The following FGD6 variants were observed in gnomAD, a reference collection of about 807,000 sequenced individuals.
FGD6 encodes the protein FYVE, RhoGEF and PH domain-containing protein 6.
FGD6 carries 90 observed loss-of-function variants against 149.4 expected under a neutral mutation model. The observed-to-expected ratio is 0.60, with a 90% confidence interval of 0.51 to 0.72. The LOEUF (loss-of-function observed/expected upper bound fraction) is 0.72. Ranked by LOEUF, FGD6 falls within the 30% of genes least tolerant of loss-of-function variation. FGD6 has a pLI of 0.00. For missense variants in FGD6, 1,437 were observed against 1,684.8 expected (o/e 0.85, Z 2.57); for synonymous variants, 527 against 584.0 (o/e 0.90, Z 1.41).
intron 2 of FGD6, among the ~76,000 whole-genome samples, chr12:95,191,669 T>C (rs1010143929): frequency 1.1e-4 from 16 of 152,230 alleles, no homozygotes; most frequent in South Asian, 8.3e-4. Context: ...CCAAACTCCA[T>C]GGATGCTCAA....
chr12:95,166,619 C>G (rs571019998), intron 3 of FGD6, among the ~76,000 whole-genome samples: 7 of 152,106 alleles, frequency 4.6e-5, no homozygotes, highest in Non-Finnish European at 7.4e-5. Flanking sequence ...CGAGAGATCA[C>G]TTGAGTCAAG....
rs1013568571 is a variant in FGD6, at chr12:95,081,162, T to C, written c.*358A>G. 8 of 157,674 alleles carry C rather than the reference T, an allele frequency of 5.1e-5. No homozygotes were observed. Among genetic ancestry groups the C allele is most frequent in the African/African-American group, 1.7e-4 (7 of 41,716 alleles). The allele number at this position is 157,674 out of a possible 1,614,324, so 9.8% of individuals were successfully genotyped here. ...TTTCCTTACAAAGACTTTCCACCAGTAAGATTGTTACAATGTAAGGTAAGA... is the reference window on the plus strand; with the variant it reads ...TTTCCTTACAAAGACTTTCCACCAGCAAGATTGTTACAATGTAAGGTAAGA... On this transcript the variant is annotated 3_prime_UTR_variant, in exon 21 of 21. Coordinates refer to ENST00000343958, the MANE Select transcript of FGD6 (RefSeq NM_018351.4).
chr12:95,199,679 A>G (rs1417136488), intron 2 of FGD6, among the ~76,000 whole-genome samples: 3 of 140,432 alleles, frequency 2.1e-5, no homozygotes, highest in Non-Finnish European at 4.5e-5. Flanking sequence ...ATCTTAGCTC[A>G]CTGCAGCCTC....
chr12:95,138,087 G>T (rs556912723), intron 6 of FGD6, among the ~76,000 whole-genome samples: 1 of 152,094 alleles, frequency 6.6e-6, no homozygotes, highest in African/African-American at 2.4e-5. Context: ...GGGCATGGTG[G>T]TGCATGCCTG....
chr12:95,108,345 T>G lies in FGD6; in HGVS notation c.3264+3A>C. The G allele has an allele frequency of 1.9e-6, 3 of 1,613,494 alleles. No individual in the cohort carries two copies. The highest frequency in any genetic ancestry group is 2.5e-6 in the Non-Finnish European group (3 of 1,179,800). On this transcript the variant is annotated splice_donor_region_variant and intron_variant, in intron 11 of 20. Transcript: ENST00000343958. ...TTTGCGAAAAGCAATGTAAAATGCT[T>G]ACCCGACCAGGCTGCACAATTTCAT...
rs201840186 is a variant in FGD6 at position 95,210,313 on chromosome 12, C to A, written c.971G>T (p.Arg324Leu). ...ATCTACACACTTTTGGCGTAACAGA[C>A]GAGCAGTTCGTGTCTTTCTGGGCTT... The part of the protein sequence containing the change: ...TPKPRKTRTA[R>L]LLRQKCVDTP... The change falls in exon 2 of 21, where the codon CGT (arginine) becomes CTT (leucine). Residue 324 changes from arginine to leucine, a missense_variant. By Grantham distance (102) the Arg-to-Leu change is moderately radical (BLOSUM62 -2). Around this residue, in one of 2 missense-constraint regions of FGD6, gnomAD observed 1,055 missense variants for 1,146.0 expected, o/e 0.92. Transcript: ENST00000343958. The A allele has an allele frequency of 1.9e-6, 3 of 1,613,992 alleles. No homozygotes were observed.
chr12:95,113,709 AG>A lies in FGD6; in HGVS notation c.3083-9del, dbSNP rs1565899339. On this transcript the variant is annotated splice_polypyrimidine_tract_variant and intron_variant, in intron 8 of 20. Transcript: ENST00000343958. ...TGAGATTCTTCAAATAATCTAGAAAAGAAGAAAAAAAAGTATTTAAGTACAA... is the reference window on the plus strand; with the variant it reads ...TGAGATTCTTCAAATAATCTAGAAAAAAGAAAAAAAAGTATTTAAGTACAA... The A allele has an allele frequency of 1.3e-6, 2 of 1,565,214 alleles. No individual in the cohort carries two copies. Among genetic ancestry groups the A allele is most frequent in the Non-Finnish European group, 1.7e-6 (2 of 1,149,314 alleles).
chr12:95,130,108 C>T lies in FGD6; in HGVS notation c.3082+4631G>A, dbSNP rs77049142. On this transcript the variant is annotated intron_variant, in intron 8 of 20. Transcript: ENST00000343958. ...GAATGTAGGTGTAAGTGTTTTACTACCATGCAGGAAGAGATTGCCCAAATA... is the reference window on the plus strand; with the variant it reads ...GAATGTAGGTGTAAGTGTTTTACTATCATGCAGGAAGAGATTGCCCAAATA... 6.0e-4 allele frequency among the ~76,000 whole-genome samples: 92 copies of T among 152,252 alleles called. 1 individual carries two copies. The East Asian group carries it at 0.016, about 26-fold the overall frequency.
chr12:95,149,814 G>C (rs1235061301), intron 5 of FGD6, among the ~76,000 whole-genome samples: 1 of 144,480 alleles, frequency 6.9e-6, no homozygotes, highest in Non-Finnish European at 1.5e-5. Flanking sequence ...CTATATAATA[G>C]TAATCATTAT....
chr12:95,143,630 A>G (rs1053375243), intron 5 of FGD6, among the ~76,000 whole-genome samples: 1 of 152,188 alleles, frequency 6.6e-6, no homozygotes, highest in Non-Finnish European at 1.5e-5. Flanking sequence ...AACCAAATGG[A>G]TATCAGCCAT....
At chr12:95,182,856 TTAG>T (rs1881324015) in intron 2 of FGD6, among the ~76,000 whole-genome samples, 1 of 152,160 alleles carries the variant, frequency 6.6e-6, no homozygotes, top group Non-Finnish European at 1.5e-5. Context: ...GGTTAGTAAG[TTAG>T]TAGAAAAAAC....
At chr12:95,176,389 C>T (rs1881133020) in intron 2 of FGD6, among the ~76,000 whole-genome samples, 1 of 152,188 alleles carries the variant, frequency 6.6e-6, no homozygotes, top group Admixed American at 6.5e-5. Context: ...GGGCTTCCTC[C>T]ACGTCTTTCT....
intron 2 of FGD6, 141 bp downstream of exon 2, chr12:95,208,702 G>C (rs1250450725): frequency 3.3e-5 from 32 of 965,800 alleles, no homozygotes; most frequent in Non-Finnish European, 4.8e-5. Context: ...CTAAAAGGAG[G>C]CTGCACTTGA....
At chr12:95,127,415 G>A (rs1008793244) in intron 8 of FGD6, among the ~76,000 whole-genome samples, 7 of 152,206 alleles carry the variant, frequency 4.6e-5, no homozygotes, top group Admixed American at 3.3e-4. Flanking sequence ...ATGGTGGCAC[G>A]TGCCTGTAGT....
chr12:95,146,743 GATA>G lies in FGD6; in HGVS notation c.2686-5207_2686-5205del, dbSNP rs201801523. ...TGGGCCTCTGAATTATGAAGCATAT[GATA>G]ATATTATTCTTACTAATTCCCCAAA... On this transcript the variant is annotated intron_variant, in intron 5 of 20. Coordinates refer to ENST00000343958, the MANE Select transcript of FGD6 (RefSeq NM_018351.4). 3.7e-3 allele frequency among the ~76,000 whole-genome samples: 569 copies of G among 152,252 alleles called. 2 individuals carry two copies. The highest frequency in any genetic ancestry group is 0.012 in the African/African-American group (491 of 41,560).
chr12:95,090,156 A>C (rs544910067), intron 17 of FGD6, among the ~76,000 whole-genome samples: 59 of 152,196 alleles, frequency 3.9e-4, no homozygotes, highest in African/African-American at 1.3e-3. Flanking sequence ...TAATAAGATA[A>C]AAGCTGGCCA....
At chr12:95,087,034 G>C (rs1003764845) in intron 18 of FGD6, among the ~76,000 whole-genome samples, 1 of 151,768 alleles carries the variant, frequency 6.6e-6, no homozygotes, top group Non-Finnish European at 1.5e-5. Flanking sequence ...TTTTAGTCGA[G>C]ACAGGGTTTC....
At chr12:95,170,758 T>C (rs1345952922) in intron 3 of FGD6, among the ~76,000 whole-genome samples, 3 of 152,240 alleles carry the variant, frequency 2.0e-5, no homozygotes, top group Non-Finnish European at 2.9e-5. Flanking sequence ...GTAGAATCTA[T>C]GTCCATGAAG....
At chr12:95,216,869 T>C (rs971942056) in intron 1 of FGD6, among the ~76,000 whole-genome samples, 6 of 151,490 alleles carry the variant, frequency 4.0e-5, no homozygotes, top group Non-Finnish European at 7.4e-5. Context: ...CTATAATAAC[T>C]GATCTATTAA....
Sources: gnomAD v4.1 joint callset for allele counts (sites outside exome capture counted in the v4.1 genomes callset) on GRCh38, gnomAD v4.1.1 for gene constraint, gnomAD v4.1.1 regional missense constraint, MANE v1.5 for transcripts, NCBI Gene and HGNC (gene_info 2026-07-23, HGNC 2026-07-21) for gene names.